ITGB2: variants seen among roughly 807,000 people sequenced by gnomAD.
ITGB2 encodes the protein integrin subunit beta 2.
Under a neutral mutation model 86.8 loss-of-function variants are expected in ITGB2, and 56 were observed. The ratio of observed to expected loss-of-function variants is 0.65; its 90% CI spans 0.52 to 0.81. ITGB2 has a LOEUF of 0.81. ITGB2 is among the 30% of genes least tolerant of loss of function. The pLI, the probability that ITGB2 is intolerant of heterozygous loss-of-function variation, is 0.00. For synonymous variants in ITGB2, 457 were observed against 450.4 expected, an observed-to-expected ratio of 1.01 and a Z score of -0.19; for missense variants, 948 against 1,061.2, an observed-to-expected ratio of 0.89 and a Z score of 1.48.
chr21:44,917,306 T>TG (rs918256037), intron 1 of ITGB2, among the ~76,000 whole-genome samples: 2 of 152,136 alleles, frequency 1.3e-5, no homozygotes, highest in Admixed American at 6.5e-5. Flanking sequence ...AGTGAATTTA[T>TG]GGGGAAAAAA....
intron 1 of ITGB2, chr21:44,911,460 C>T (rs1018430447): frequency 8.5e-5 from 13 of 152,832 alleles, no homozygotes; most frequent in African/African-American, 3.1e-4. Context: ...TTGGCCCTGT[C>T]TCTCTGTGGC....
chr21:44,917,289 T>G (rs2084225959), intron 1 of ITGB2, among the ~76,000 whole-genome samples: 1 of 152,080 alleles, frequency 6.6e-6, no homozygotes, highest in Non-Finnish European at 1.5e-5. Flanking sequence ...CTTGGCTTCG[T>G]GGTAAAAGTG....
intron 3 of ITGB2, 126 bp downstream of exon 3, chr21:44,910,158 G>T: frequency 7.9e-7 from 1 of 1,257,878 alleles, no homozygotes; most frequent in Non-Finnish European, 1.1e-6. Flanking sequence ...GGTGAGGCCA[G>T]GGTCTGGGGA....
At position 44,892,764 on chromosome 21, in the gene ITGB2, AG is replaced by A. The variant is rs368898921; in HGVS notation, c.1224+639del. ...AAAAAACAAAAAACAAAAAACAAAA[AG>A]AAACAACAAATGATTGGATAATAAA... On this transcript the variant is annotated intron_variant, in intron 10 of 15. Transcript: ENST00000652462. Among the ~76,000 whole-genome samples, 617 of 152,198 alleles carry A rather than the reference AG, an allele frequency of 4.1e-3. 3 individuals carry two copies. Among genetic ancestry groups the A allele is most frequent in the African/African-American group, 0.014 (587 of 41,510 alleles).
intron 5 of ITGB2, among the ~76,000 whole-genome samples, chr21:44,902,389 G>A (rs1262825174): frequency 1.3e-5 from 2 of 152,178 alleles, no homozygotes; most frequent in East Asian, 3.9e-4. Flanking sequence ...TCACGTGTGT[G>A]AGCGTGCATT....
intron 9 of ITGB2, chr21:44,894,694 G>T (rs2083838493): frequency 6.2e-6 from 3 of 485,854 alleles, no homozygotes; most frequent in Non-Finnish European, 1.1e-5. Flanking sequence ...TCTCCATAGA[G>T]ACCCGCAGAG....
intron 1 of ITGB2, among the ~76,000 whole-genome samples, chr21:44,919,305 G>A (rs149426994): frequency 6.6e-6 from 1 of 152,352 alleles, no homozygotes; most frequent in East Asian, 1.9e-4. Context: ...CTTCCCAGCA[G>A]AGGGACTCCC....
rs767309369 is a variant in ITGB2 at position 44,906,964 on chromosome 21, C to A, written c.279G>T (p.Gly93=). 6.2e-7 allele frequency: 1 copy of A among 1,614,178 alleles called. No homozygotes were observed. Among genetic ancestry groups the A allele is most frequent in the Admixed American group, 1.7e-5 (1 of 60,024 alleles). The change falls in exon 4 of 16, where the codon GGG becomes GGT. Residue 93 remains glycine (G), a synonymous_variant. Coordinates refer to ENST00000652462, the MANE Select transcript of ITGB2 (RefSeq NM_000211.5). ...TTTGTGGGGACAGCTGCTTCTGGCC[C>A]CCATTGTGGTCTTCCTGGGTTTCAG... ...SLAETQEDHN[G]GQKQLSPQKV... is the part of the protein sequence containing the mutation.
intron 1 of ITGB2, among the ~76,000 whole-genome samples, chr21:44,914,610 A>G (rs1717272295): frequency 6.6e-6 from 1 of 152,208 alleles, no homozygotes; most frequent in African/African-American, 2.4e-5. Flanking sequence ...AGTCGAGGAC[A>G]GGAGAACAGG....
intron 5 of ITGB2, chr21:44,901,953 C>A (rs1170412479): frequency 1.7e-6 from 1 of 584,370 alleles, no homozygotes; most frequent in East Asian, 2.9e-5. Flanking sequence ...GTGCAATGTA[C>A]ATGGATGAGC....
intron 1 of ITGB2, among the ~76,000 whole-genome samples, chr21:44,919,680 G>C (rs1336620642): frequency 6.6e-6 from 1 of 152,188 alleles, no homozygotes; most frequent in Non-Finnish European, 1.5e-5. Flanking sequence ...TCGCTCCCAG[G>C]CTGAGCTCTC....
chr21:44,888,062 T>C (rs1245997146), intron 14 of ITGB2, among the ~76,000 whole-genome samples: 1 of 152,212 alleles, frequency 6.6e-6, no homozygotes, highest in Non-Finnish European at 1.5e-5. Context: ...GGGCTGGGCC[T>C]GGTTCCAACT....
chr21:44,889,421 T>A lies in ITGB2; in HGVS notation c.1732A>T (p.Thr578Ser), dbSNP rs1359096840. The A allele has an allele frequency of 6.2e-7, 1 of 1,611,336 alleles. No homozygotes were observed. The highest frequency in any genetic ancestry group is 1.1e-5 in the South Asian group (1 of 90,816). The stretch of plus-strand genomic sequence containing the variant: ...CGCGGGTTCAGGCAGCCCTCAGTGG[T>A]CCTCTCGCACTGGCACGCTGAGCCC... ...FEGSACQCERTTEGCLNPRRV... is the reference protein window; with the variant it reads ...FEGSACQCERSTEGCLNPRRV... The change falls in exon 13 of 16, where the codon ACC becomes TCC. Residue 578 changes from threonine to serine, a missense_variant. Coordinates refer to ENST00000652462, the MANE Select transcript of ITGB2 (RefSeq NM_000211.5).
chr21:44,923,730 C>A (rs2084337876), upstream of ITGB2, among the ~76,000 whole-genome samples: 1 of 152,144 alleles, frequency 6.6e-6, no homozygotes. Context: ...TACTAAGTGT[C>A]CTTAATGCCA....
At chr21:44,911,670 T>G (rs1483853323) in intron 1 of ITGB2, among the ~76,000 whole-genome samples, 3 of 152,156 alleles carry the variant, frequency 2.0e-5, no homozygotes, top group Non-Finnish European at 4.4e-5. Context: ...TGCCCTTTTG[T>G]TTCCAGATAC....
Position 44,903,452 on chromosome 21 carries a change from A to C in ITGB2, c.412T>G (p.Ser138Ala). The C allele has an allele frequency of 6.2e-7, 1 of 1,614,056 alleles. No homozygotes were observed. Among genetic ancestry groups the C allele is most frequent in the Non-Finnish European group, 8.5e-7 (1 of 1,179,954 alleles). The change falls in exon 5 of 16, where the codon TCC becomes GCC. Residue 138 changes from serine (S) to alanine (A), a missense_variant. Ser to Ala is a moderately conservative substitution (Grantham distance 99). Coordinates refer to ENST00000652462, the MANE Select transcript of ITGB2 (RefSeq NM_000211.5). ...ACATTCCTGAGGTCATCAAGCATGG[A>C]GTAGGAGAGGTCCATCAGATAGTAC... ...DLYYLMDLSY[S>A]MLDDLRNVKK...
chr21:44,888,561 C>T (rs549785743), intron 14 of ITGB2, 132 bp downstream of exon 14: 355 of 1,044,856 alleles, frequency 3.4e-4, no homozygotes, highest in Non-Finnish European at 4.6e-4. Flanking sequence ...AAGGGCATCC[C>T]GCATGGCTCA....
At position 44,886,422 on chromosome 21, in the gene ITGB2, G is replaced by A. The variant is rs2083699440; in HGVS notation, c.2256C>T (p.Pro752=). 5 of 1,614,156 alleles carry A rather than the reference G, an allele frequency of 3.1e-6. No individual in the cohort carries two copies. The East Asian group carries it at 1.1e-4, about 36-fold the overall frequency. The change falls in exon 16 of 16, where the codon CCC becomes CCT. Residue 752 remains proline, a synonymous_variant. Transcript: ENST00000652462. ...KLKSQWNNDN[P]LFKSATTTVM... is the part of the protein sequence containing the mutation. Reference sequence around the variant, plus strand: ...CCGTCGTGGTGGCGCTCTTGAAAAGGGGATTATCCTGGTGGGAAATGCAAA... The same window carrying A: ...CCGTCGTGGTGGCGCTCTTGAAAAGAGGATTATCCTGGTGGGAAATGCAAA...
At position 44,886,800 on chromosome 21, in the gene ITGB2, T is replaced by G. The variant is rs200118567; in HGVS notation, c.2183A>C (p.His728Pro). 6 of 1,613,844 alleles carry G rather than the reference T, an allele frequency of 3.7e-6. No homozygotes were observed. Among genetic ancestry groups the G allele is most frequent in the Non-Finnish European group, 4.2e-6 (5 of 1,179,974 alleles). ...LLLVIWKALIHLSDLREYRRF... is the reference protein window; with the variant it reads ...LLLVIWKALIPLSDLREYRRF... The stretch of plus-strand genomic sequence containing the variant: ...CCTGTACTCCCGGAGGTCGCTCAGG[T>G]GGATCAGAGCCTTCCAGATGACCAG... The change falls in exon 15 of 16, where the codon CAC (histidine) becomes CCC (proline). Residue 728 changes from histidine to proline, a missense_variant. By Grantham distance (77) the His-to-Pro change is moderately conservative. Transcript: ENST00000652462.
Sources: gnomAD v4.1 joint callset for allele counts (sites outside exome capture counted in the v4.1 genomes callset) on GRCh38, gnomAD v4.1.1 for gene constraint, MANE v1.5 for transcripts, NCBI Gene and HGNC (gene_info 2026-07-23, HGNC 2026-07-21) for gene names.